The following MS4A4A variants were observed in gnomAD, a reference collection of about 807,000 sequenced individuals.
MS4A4A encodes membrane spanning 4-domains A4A, also known as membrane-spanning 4-domains subfamily A member 4A.
A neutral mutation model predicts 28.0 loss-of-function variants in MS4A4A; 26 were observed. That is an observed-to-expected ratio of 0.93 (90% CI 0.68 to 1.29). The LOEUF is 1.29. MS4A4A is among the 50% of genes most tolerant of loss of function. The pLI, the probability that MS4A4A is intolerant of heterozygous loss-of-function variation, is 0.00. For missense variants in MS4A4A, 290 were observed against 293.1 expected (o/e 0.99, Z 0.08); for synonymous variants, 86 against 100.8 (o/e 0.85, Z 0.88).
Position 60,306,128 on chromosome 11 carries a change from G to A in MS4A4A, c.575G>A (p.Ser192Asn). 1 of 1,613,998 alleles carries A rather than the reference G, an allele frequency of 6.2e-7. No individual in the cohort carries two copies. Among genetic ancestry groups the A allele is most frequent in the Non-Finnish European group, 8.5e-7 (1 of 1,179,830 alleles). ...CTGGATGGCATGGTGCTCCTCCTAA[G>A]TGTGCTGGAATTCTGCATTGCTGTG... The part of the protein sequence containing the change: ...MGLDGMVLLL[S>N]VLEFCIAVSL... The change falls in exon 6 of 7, where the codon AGT becomes AAT. Residue 192 changes from serine (S) to asparagine (N), a missense_variant. Physicochemically the swap from Ser to Asn is conservative, Grantham distance 46. Transcript: ENST00000337908.
chr11:60,289,494 C>A lies in MS4A4A; in HGVS notation c.42-2731C>A, dbSNP rs145299494. Among the ~76,000 whole-genome samples, 13 of 152,138 alleles carry A rather than the reference C, an allele frequency of 8.5e-5. No homozygotes were observed. The East Asian group carries it at 1.9e-3, about 23-fold the overall frequency. ...TGGGTTTCTATGATCTACAAGATTT[C>A]TGCTACTCCTTTGCTGTTTTCAGGT... On this transcript the variant is annotated intron_variant, in intron 1 of 6. Transcript: ENST00000337908.
At chr11:60,299,718 C>A (rs2084936067) in intron 3 of MS4A4A, among the ~76,000 whole-genome samples, 2 of 152,148 alleles carry the variant, frequency 1.3e-5, no homozygotes, top group African/African-American at 4.8e-5. Context: ...GCCTCAGCCT[C>A]CCAAAGTGCT....
At chr11:60,281,224 T>C (rs558658936) in intron 1 of MS4A4A, among the ~76,000 whole-genome samples, 2 of 152,262 alleles carry the variant, frequency 1.3e-5, no homozygotes, top group South Asian at 2.1e-4. Flanking sequence ...CCTGACCTAG[T>C]TCTCCAGTGG....
In MS4A4A at chr11:60,302,129, G is replaced by A. The variant is rs543527296; in HGVS notation, c.388-430G>A. Among the ~76,000 whole-genome samples, 8 of 152,272 alleles carry A rather than the reference G, an allele frequency of 5.3e-5. No homozygotes were observed. In the South Asian group the frequency reaches 1.2e-3, roughly 24 times the overall value. On this transcript the variant is annotated intron_variant, in intron 4 of 6. Transcript: ENST00000337908. ...GCCTCCTTACCTTTATCCATGAGAA[G>A]AGAACGTACAGAAAAGAATATACTG...
intron 4 of MS4A4A, among the ~76,000 whole-genome samples, chr11:60,302,026 C>A (rs574809649): frequency 1.3e-5 from 2 of 152,350 alleles, no homozygotes; most frequent in East Asian, 3.8e-4. Flanking sequence ...ATTATCCACC[C>A]CGCTTCGGCC....
intron 1 of MS4A4A, among the ~76,000 whole-genome samples, chr11:60,280,975 A>C (rs1282518700): frequency 2.6e-5 from 4 of 152,188 alleles, no homozygotes; most frequent in African/African-American, 9.6e-5. Context: ...AAGGTTGTTT[A>C]GTTACTTTTG....
intron 3 of MS4A4A, among the ~76,000 whole-genome samples, chr11:60,299,448 CTT>C (rs5792179): frequency 1.5e-4 from 17 of 113,218 alleles, no homozygotes; most frequent in African/African-American, 3.4e-4. Flanking sequence ...AATTACAATT[CTT>C]TTTTTTTTTT....
Position 60,308,203 on chromosome 11 carries a change from A to G in MS4A4A, c.*25A>G, listed in dbSNP as rs759843138. 5.6e-6 allele frequency: 9 copies of G among 1,605,626 alleles called. No homozygotes were observed. Among genetic ancestry groups the G allele is most frequent in the Non-Finnish European group, 7.7e-6 (9 of 1,172,432 alleles). ...AGGCCACCAAAAGATCAACAGACAAATGCTCCAGAAATCTATGCTGACTGT... is the reference window on the plus strand; with the variant it reads ...AGGCCACCAAAAGATCAACAGACAAGTGCTCCAGAAATCTATGCTGACTGT... On this transcript the variant is annotated 3_prime_UTR_variant, in exon 7 of 7. Coordinates refer to ENST00000337908, the MANE Select transcript of MS4A4A (RefSeq NM_148975.3).
At chr11:60,305,859 C>T in intron 5 of MS4A4A, 1 of 470,368 alleles carries the variant, frequency 2.1e-6, no homozygotes. Flanking sequence ...ATCTTCCATG[C>T]CCACAATAGC....
intron 3 of MS4A4A, among the ~76,000 whole-genome samples, chr11:60,299,392 A>G (rs537458927): frequency 1.3e-5 from 2 of 151,852 alleles, no homozygotes; most frequent in East Asian, 1.9e-4. Context: ...ATCATTAAAC[A>G]TAATAAAGAC....
At chr11:60,285,237 C>T (rs953952153) in intron 1 of MS4A4A, among the ~76,000 whole-genome samples, 1 of 152,118 alleles carries the variant, frequency 6.6e-6, no homozygotes, top group African/African-American at 2.4e-5. Flanking sequence ...GGCATGGTGG[C>T]TCACTCTTGT....
chr11:60,291,876 A>G (rs1455603608), intron 1 of MS4A4A, among the ~76,000 whole-genome samples: 1 of 152,128 alleles, frequency 6.6e-6, no homozygotes, highest in Non-Finnish European at 1.5e-5. Context: ...GGGATTAGGC[A>G]GTAAGAGGGA....
chr11:60,282,839 T>C (rs2084767345), intron 1 of MS4A4A: 2 of 866,094 alleles, frequency 2.3e-6, no homozygotes, highest in Non-Finnish European at 3.0e-6. Flanking sequence ...AAAAGAAGGC[T>C]TTTAAAGGGG....
intron 6 of MS4A4A, among the ~76,000 whole-genome samples, chr11:60,307,161 A>G (rs1032852917): frequency 6.6e-6 from 1 of 152,258 alleles, no homozygotes; most frequent in African/African-American, 2.4e-5. Context: ...CAAAACCAAC[A>G]GCCAAATAAT....
Position 60,280,868 on chromosome 11 carries a change from C to T in MS4A4A, c.41+152C>T. The stretch of plus-strand genomic sequence containing the variant: ...CAGGGTTGGGGTGGGTTGAGTGCAC[C>T]TTTAAATGTGCATTCGGTGGGGGGA... On this transcript the variant is annotated intron_variant, in intron 1 of 6. Transcript: ENST00000337908. 3.7e-6 allele frequency: 3 copies of T among 815,616 alleles called. No homozygotes were observed. In the South Asian group the frequency reaches 5.4e-5, roughly 15 times the overall value. 50.5% of individuals were successfully genotyped at this position (815,616 alleles called of 1,614,324 possible).
chr11:60,302,073 GC>G (rs1220271911), intron 4 of MS4A4A, among the ~76,000 whole-genome samples: 1 of 152,154 alleles, frequency 6.6e-6, no homozygotes, highest in African/African-American at 2.4e-5. Context: ...GAGCCACTGC[GC>G]CCAGTCAGCA....
intron 4 of MS4A4A, 112 bp from the exon 5 acceptor site, chr11:60,302,447 A>G (rs2084959995): frequency 1.9e-6 from 2 of 1,069,898 alleles, no homozygotes; most frequent in Admixed American, 2.6e-5. Flanking sequence ...TATTGAAATA[A>G]TCAAGATAAT....
At chr11:60,292,896 A>G (rs2084870269) in intron 2 of MS4A4A, among the ~76,000 whole-genome samples, 1 of 152,194 alleles carries the variant, frequency 6.6e-6, no homozygotes. Context: ...TATTAAATAT[A>G]GGTTTATCAC....
intron 4 of MS4A4A, among the ~76,000 whole-genome samples, chr11:60,301,719 C>G (rs1186309382): frequency 6.6e-6 from 1 of 152,182 alleles, no homozygotes; most frequent in Non-Finnish European, 1.5e-5. Flanking sequence ...CCACATTACT[C>G]ATACTCCTCA....
Sources: gnomAD v4.1 joint callset for allele counts (sites outside exome capture counted in the v4.1 genomes callset) on GRCh38, gnomAD v4.1.1 for gene constraint, MANE v1.5 for transcripts, NCBI Gene and HGNC (gene_info 2026-07-23, HGNC 2026-07-21) for gene names.